The following ZNF490 variants were observed in gnomAD, a reference collection of about 807,000 sequenced individuals.
The protein encoded by ZNF490 is zinc finger protein 490.
In ZNF490, 11 loss-of-function variants were observed where a neutral mutation model predicts 17.7. The observed-to-expected ratio is 0.62, with a 90% confidence interval of 0.39 to 1.03. The LOEUF (loss-of-function observed/expected upper bound fraction) is 1.03. ZNF490 is among the 50% of genes least tolerant of loss of function. The pLI, the probability that ZNF490 is intolerant of heterozygous loss-of-function variation, is 0.00. For missense variants in ZNF490, 542 were observed against 643.4 expected (o/e 0.84, Z 1.71); for synonymous variants, 222 against 216.1 (o/e 1.03, Z -0.24).
At chr19:12,590,176 A>C (rs1306350456) in intron 2 of ZNF490, among the ~76,000 whole-genome samples, 1 of 148,798 alleles carries the variant, frequency 6.7e-6, no homozygotes, top group Non-Finnish European at 1.5e-5. Flanking sequence ...CAGCCTCCCA[A>C]AGTGCTGGGA....
At chr19:12,609,758 C>A in intron 1 of ZNF490, 1 of 297,038 alleles carries the variant, frequency 3.4e-6, no homozygotes, top group Non-Finnish European at 6.6e-6. Flanking sequence ...CATCTTCTTA[C>A]ATATAAGTGG....
At chr19:12,594,173 G>C (rs912112601) in intron 2 of ZNF490, among the ~76,000 whole-genome samples, 1 of 152,054 alleles carries the variant, frequency 6.6e-6, no homozygotes, top group Non-Finnish European at 1.5e-5. Flanking sequence ...GGTTTCTAAA[G>C]CCACTATAGT....
intron 1 of ZNF490, 27 bp from the exon 2 acceptor site, chr19:12,609,229 T>G (rs1160335230): frequency 1.2e-6 from 2 of 1,612,390 alleles, no homozygotes; most frequent in Non-Finnish European, 8.5e-7. Flanking sequence ...GGATGCATTT[T>G]GTGAGTTTCA....
intron 1 of ZNF490, among the ~76,000 whole-genome samples, chr19:12,609,409 T>C (rs62108378): frequency 6.6e-6 from 1 of 152,086 alleles, no homozygotes; most frequent in Non-Finnish European, 1.5e-5. Context: ...AAAAAAAATT[T>C]AGAGACAGTC....
Position 12,600,128 on chromosome 19 carries a change from C to T in ZNF490, c.162+9030G>A, listed in dbSNP as rs952655899. 3.9e-5 allele frequency among the ~76,000 whole-genome samples: 6 copies of T among 151,976 alleles called. No individual in the cohort carries two copies. The South Asian group carries it at 6.2e-4, about 16-fold the overall frequency. On this transcript the variant is annotated intron_variant, in intron 2 of 4. Transcript: ENST00000311437. Reference sequence around the variant, plus strand: ...CTGTAATCCCAGCACTTTGGGAGGCCGAGGCGGGCAGATCACGAGGTTAGG... The same window carrying T: ...CTGTAATCCCAGCACTTTGGGAGGCTGAGGCGGGCAGATCACGAGGTTAGG...
At chr19:12,597,037 C>T (rs1599310504) in intron 2 of ZNF490, 2 of 445,218 alleles carry the variant, frequency 4.5e-6, no homozygotes, top group Admixed American at 4.8e-5. Flanking sequence ...CCCAGCCCCA[C>T]GCTGCTGGGA....
intron 4 of ZNF490, 73 bp downstream of exon 4, chr19:12,582,777 G>A (rs2022755645): frequency 8.0e-7 from 1 of 1,250,584 alleles, no homozygotes; most frequent in Non-Finnish European, 1.2e-6. Context: ...TGTTTTGCTT[G>A]CTTGGCTTTT....
chr19:12,609,227 T>G, intron 1 of ZNF490, 25 bp from the exon 2 acceptor site: 2 of 1,612,238 alleles, frequency 1.2e-6, no homozygotes, highest in Non-Finnish European at 1.7e-6. Flanking sequence ...GAGGATGCAT[T>G]TTGTGAGTTT....
intron 1 of ZNF490, 50 bp downstream of exon 1, chr19:12,610,514 G>T (rs1374899528): frequency 2.2e-6 from 3 of 1,389,860 alleles, no homozygotes; most frequent in Non-Finnish European, 3.1e-6. Context: ...TATAAACAAG[G>T]GTCACTATTC....
intron 4 of ZNF490, among the ~76,000 whole-genome samples, 186 bp downstream of exon 4, chr19:12,582,664 G>T (rs577759301): frequency 6.6e-6 from 1 of 152,096 alleles, no homozygotes; most frequent in African/African-American, 2.4e-5. Context: ...AAAGTGCTGG[G>T]ATTACAGACA....
chr19:12,588,282 C>G (rs1568279433), intron 2 of ZNF490, among the ~76,000 whole-genome samples: 1 of 152,094 alleles, frequency 6.6e-6, no homozygotes. Context: ...CAAGCATGAA[C>G]CACCATGCCC....
rs1277664603 is a variant in ZNF490, at chr19:12,577,551, G to A, written c.*2934C>T. On this transcript the variant is annotated 3_prime_UTR_variant, in exon 5 of 5. Transcript: ENST00000311437. ...AGCGAATGTTCCTGGTGAGAGAAGC[G>A]AAGGTGTGCATCTCCTGGCTCAGCC... is the stretch of plus-strand genomic sequence containing the variant. 2.6e-5 allele frequency: 24 copies of A among 933,498 alleles called. No individual in the cohort carries two copies. Among genetic ancestry groups the A allele is most frequent in the African/African-American group, 5.8e-5 (3 of 51,688 alleles). The allele number at this position is 933,498 out of a possible 1,614,324, so 57.8% of individuals were successfully genotyped here. A position where few individuals can be genotyped will look rare whatever the true frequency, so the allele number is the denominator to read the frequency against.
In ZNF490 at chr19:12,591,668, T is replaced by G. The variant is rs565146328; in HGVS notation, c.163-8112A>C. Among the ~76,000 whole-genome samples, 297 of 151,888 alleles carry G rather than the reference T, an allele frequency of 2.0e-3. 2 individuals are homozygous for G. The highest frequency in any genetic ancestry group is 7.0e-3 in the African/African-American group (289 of 41,404). ...ACAGCATTAGGGAATAAAAAAAAAC[T>G]AAGATAAATAAAACTGAGTAAGATA... On this transcript the variant is annotated intron_variant, in intron 2 of 4. Coordinates refer to ENST00000311437, the MANE Select transcript of ZNF490 (RefSeq NM_020714.3).
chr19:12,587,159 C>G lies in ZNF490; in HGVS notation c.163-3603G>C, dbSNP rs544319993. ...TTTTTTTTACTTTGTTTTTTAGAGACAGGGCCATGCTCTGTCACCCAGGCT... is the reference window on the plus strand; with the variant it reads ...TTTTTTTTACTTTGTTTTTTAGAGAGAGGGCCATGCTCTGTCACCCAGGCT... On this transcript the variant is annotated intron_variant, in intron 2 of 4. Transcript: ENST00000311437. Among the ~76,000 whole-genome samples the G allele has an allele frequency of 2.6e-5, 2 of 77,004 alleles. 1 individual carries two copies. Among genetic ancestry groups the G allele is most frequent in the East Asian group, 4.6e-4 (2 of 4,364 alleles). The allele number at this position is 77,004 out of a possible 152,430, so 50.5% of individuals were successfully genotyped here. A position where few individuals can be genotyped will look rare whatever the true frequency, so the allele number is the denominator to read the frequency against.
chr19:12,581,297 T>C lies in ZNF490; in HGVS notation c.778A>G (p.Arg260Gly), dbSNP rs1193928333. The stretch of plus-strand genomic sequence containing the variant: ...TGGCGCCGAAGAGCAGTGAGATATC[T>C]GAATGCCTTCCCACATTCCTTACAT... ...YECKECGKAF[R>G]YLTALRRHEK... Residue 260 changes from arginine (R) to glycine (G), a missense_variant, in exon 5 of 5, where the codon AGA (arginine) becomes GGA (glycine). By Grantham distance (125) the Arg-to-Gly change is moderately radical. Coordinates refer to ENST00000311437, the MANE Select transcript of ZNF490 (RefSeq NM_020714.3). The C allele has an allele frequency of 1.2e-6, 2 of 1,614,218 alleles. No homozygotes were observed. The highest frequency in any genetic ancestry group is 1.7e-5 in the Admixed American group (1 of 60,022).
rs2023113553 is a variant in ZNF490, at chr19:12,609,282, T to C, written c.118-80A>G. On this transcript the variant is annotated intron_variant, in intron 1 of 4. Coordinates refer to ENST00000311437, the MANE Select transcript of ZNF490 (RefSeq NM_020714.3). ...ATGACCTTTGACAGCCTTGGAAGCA[T>C]TGTTCCCCCTGCATCTACCTGTACA... The C allele has an allele frequency of 2.4e-6, 3 of 1,262,252 alleles. No homozygotes were observed. In the African/African-American group the frequency reaches 4.4e-5, roughly 19 times the overall value. The allele number at this position is 1,262,252 out of a possible 1,614,324, so 78.2% of individuals were successfully genotyped here. A position where few individuals can be genotyped will look rare whatever the true frequency, so the allele number is the denominator to read the frequency against.
At chr19:12,597,644 C>G (rs1568281500) in intron 2 of ZNF490, among the ~76,000 whole-genome samples, 1 of 152,182 alleles carries the variant, frequency 6.6e-6, no homozygotes, top group Non-Finnish European at 1.5e-5. Context: ...TACTATTCGA[C>G]TTTTTGATTG....
intron 3 of ZNF490, among the ~76,000 whole-genome samples, 183 bp downstream of exon 3, chr19:12,583,247 G>T (rs1279913240): frequency 6.6e-6 from 1 of 151,938 alleles, no homozygotes; most frequent in African/African-American, 2.4e-5. Context: ...CACCATGTTG[G>T]TCAGGCTGGT....
intron 2 of ZNF490, among the ~76,000 whole-genome samples, chr19:12,607,794 C>A (rs1229160251): frequency 6.6e-6 from 1 of 151,734 alleles, no homozygotes; most frequent in Non-Finnish European, 1.5e-5. Flanking sequence ...AGAGAAGCAG[C>A]AGCAAATCAG....
Sources: allele counts gnomAD v4.1 joint callset (sites outside exome capture counted in the v4.1 genomes callset), GRCh38; gene constraint gnomAD v4.1.1; transcripts MANE v1.5; gene names NCBI Gene and HGNC (gene_info 2026-07-23, HGNC 2026-07-21).